CATSPERT: variants seen among roughly 807,000 people sequenced by gnomAD.
The protein encoded by CATSPERT is cation channel sperm-associated targeting subunit tau.
chr2:201,577,315 C>T, the CATSPERT span, among the ~76,000 whole-genome samples: 397 of 152,122 alleles, frequency 2.6e-3, 2 homozygotes, highest in African/African-American at 9.2e-3. Flanking sequence ...ATATTTAACC[C>T]GTACAGACAT....
chr2:201,573,966 G>C, the CATSPERT span, among the ~76,000 whole-genome samples: 2 of 152,104 alleles, frequency 1.3e-5, no homozygotes, highest in South Asian at 4.1e-4. Context: ...CTAAAATCAA[G>C]TTTTATAATA....
At chr2:201,493,693 T>C in the CATSPERT span, 1 of 1,537,400 alleles carries the variant, frequency 6.5e-7, no homozygotes, top group East Asian at 2.4e-5. Context: ...TTCACTTGGC[T>C]CTTTCACTTC....
chr2:201,615,928 C>T, the CATSPERT span, among the ~76,000 whole-genome samples: 1 of 152,164 alleles, frequency 6.6e-6, no homozygotes, highest in African/African-American at 2.4e-5. Context: ...ACTATAAACA[C>T]CTCTATGCAA....
chr2:201,491,297 C>T, the CATSPERT span: 49 of 1,537,558 alleles, frequency 3.2e-5, no homozygotes, highest in Middle Eastern at 5.0e-4. Flanking sequence ...TTTGGTTGGG[C>T]GACACGGTCT....
chr2:201,525,675 C>A, the CATSPERT span, among the ~76,000 whole-genome samples: 1 of 151,870 alleles, frequency 6.6e-6, no homozygotes, highest in African/African-American at 2.4e-5. Context: ...TCAATGAAAC[C>A]AAAAGTTGGT....
chr2:201,487,680 T>G, the CATSPERT span: 1 of 1,613,908 alleles, frequency 6.2e-7, no homozygotes, highest in African/African-American at 1.3e-5. Flanking sequence ...TTATCATTTA[T>G]ATGAACTAAG....
the CATSPERT span, among the ~76,000 whole-genome samples, chr2:201,566,734 T>C: frequency 6.6e-6 from 1 of 152,184 alleles, no homozygotes; most frequent in Non-Finnish European, 1.5e-5. Context: ...TTGGGATGGC[T>C]GGGTCAAATG....
At chr2:201,571,909 C>G in the CATSPERT span, 14 of 1,585,624 alleles carry the variant, frequency 8.8e-6, no homozygotes, top group Middle Eastern at 1.7e-4. Context: ...GCCACATGAT[C>G]TGACCATATT....
At chr2:201,530,650 G>A in the CATSPERT span, among the ~76,000 whole-genome samples, 1 of 152,150 alleles carries the variant, frequency 6.6e-6, no homozygotes, top group African/African-American at 2.4e-5. Context: ...GGAGATATGA[G>A]GTTAATGATG....
chr2:201,513,820 G>T, the CATSPERT span, among the ~76,000 whole-genome samples: 18 of 152,212 alleles, frequency 1.2e-4, no homozygotes, highest in East Asian at 2.9e-3. Flanking sequence ...AAAATTGTAG[G>T]CTATAAAACA....
At chr2:201,501,375 A>C in the CATSPERT span, among the ~76,000 whole-genome samples, 1 of 145,746 alleles carries the variant, frequency 6.9e-6, no homozygotes, top group Non-Finnish European at 1.5e-5. Flanking sequence ...AGCCTGGGCA[A>C]CAAGAGCGAA....
At chr2:201,589,702 A>T in the CATSPERT span, among the ~76,000 whole-genome samples, 80 of 152,324 alleles carry the variant, frequency 5.3e-4, no homozygotes, top group Non-Finnish European at 9.8e-4. Flanking sequence ...AGGCAGGGAC[A>T]AAGATTTCAT....
At chr2:201,505,867 G>A in the CATSPERT span, among the ~76,000 whole-genome samples, 1 of 152,150 alleles carries the variant, frequency 6.6e-6, no homozygotes, top group African/African-American at 2.4e-5. Flanking sequence ...GGAAGAAAGT[G>A]GATGAGGGGT....
the CATSPERT span, among the ~76,000 whole-genome samples, chr2:201,506,520 G>T: frequency 1.8e-4 from 27 of 152,196 alleles, no homozygotes; most frequent in Non-Finnish European, 3.5e-4. Flanking sequence ...CTCCACAGGG[G>T]TCAGCATTTG....
At chr2:201,520,024 A>G in the CATSPERT span, among the ~76,000 whole-genome samples, 1 of 152,226 alleles carries the variant, frequency 6.6e-6, no homozygotes, top group African/African-American at 2.4e-5. Context: ...AGCTATACCT[A>G]TATCAGACAA....
At chr2:201,535,702 G>C in the CATSPERT span, 1 of 1,256,238 alleles carries the variant, frequency 8.0e-7, no homozygotes, top group Non-Finnish European at 1.0e-6. Context: ...AGTAAAGCAG[G>C]AATATTTAAT....
chr2:201,586,435 ATATAT>A, the CATSPERT span, among the ~76,000 whole-genome samples: 1 of 152,104 alleles, frequency 6.6e-6, no homozygotes, highest in East Asian at 1.9e-4. Context: ...TTAAACTCAA[ATATAT>A]TATAATTATA....
the CATSPERT span, chr2:201,572,134 T>C: frequency 9.1e-6 from 6 of 661,490 alleles, no homozygotes; most frequent in African/African-American, 1.1e-4. Flanking sequence ...GACTATGAAA[T>C]AGGCCTTAAA....
At chr2:201,607,913 C>A in the CATSPERT span, among the ~76,000 whole-genome samples, 1 of 152,142 alleles carries the variant, frequency 6.6e-6, no homozygotes, top group African/African-American at 2.4e-5. Flanking sequence ...ACCAACTCTA[C>A]CACCTTAATT....
Sources: gnomAD v4.1 joint callset for allele counts (sites outside exome capture counted in the v4.1 genomes callset) on GRCh38, gnomAD v4.1.1 for gene constraint, MANE v1.5 for transcripts, NCBI Gene and HGNC (gene_info 2026-07-23, HGNC 2026-07-21) for gene names.